SPIDR: variants seen among roughly 807,000 people sequenced by gnomAD.
SPIDR encodes scaffold protein involved in DNA repair, also known as DNA repair-scaffolding protein.
SPIDR carries 93 observed loss-of-function variants against 104.6 expected under a neutral mutation model. The ratio of observed to expected loss-of-function variants is 0.89; its 90% CI spans 0.75 to 1.06. SPIDR has a LOEUF of 1.06. Ranked by LOEUF, SPIDR falls within the 50% of genes least tolerant of loss-of-function variation. The probability of loss-of-function intolerance (pLI) is 0.00; values close to 1 mark genes in which losing one functional copy is unlikely to be tolerated. For synonymous variants in SPIDR, 431 were observed against 416.9 expected, an observed-to-expected ratio of 1.03 and a Z score of -0.41; for missense variants, 1,154 against 1,111.2, an observed-to-expected ratio of 1.04 and a Z score of -0.55.
intron 8 of SPIDR, among the ~76,000 whole-genome samples, chr8:47,505,658 C>T (rs907067892): frequency 5.9e-5 from 9 of 151,370 alleles, no homozygotes; most frequent in African/African-American, 1.5e-4. Flanking sequence ...CTCCCCAGTG[C>T]GATACCTCAG....
At chr8:47,700,335 C>T (rs1006712476) in intron 11 of SPIDR, 68 bp from the exon 12 acceptor site, 26 of 1,501,568 alleles carry the variant, frequency 1.7e-5, no homozygotes, top group Non-Finnish European at 2.4e-5. Flanking sequence ...AGCATTCTAC[C>T]AGCTCACTGG....
intron 8 of SPIDR, among the ~76,000 whole-genome samples, chr8:47,466,052 TA>T (rs1464496030): frequency 1.3e-5 from 2 of 152,086 alleles, no homozygotes; most frequent in East Asian, 3.9e-4. Flanking sequence ...CAAAGAGACT[TA>T]AACTCCCACA....
At chr8:47,457,303 C>G (rs1465548714) in intron 8 of SPIDR, among the ~76,000 whole-genome samples, 2 of 152,116 alleles carry the variant, frequency 1.3e-5, no homozygotes, top group Non-Finnish European at 2.9e-5. Context: ...GCCATTCTTG[C>G]AGGAAGTAAG....
At chr8:47,597,047 G>A (rs1010528900) in intron 9 of SPIDR, among the ~76,000 whole-genome samples, 2 of 152,094 alleles carry the variant, frequency 1.3e-5, no homozygotes, top group Admixed American at 1.3e-4. Flanking sequence ...TGAAGTACCT[G>A]TCTAAGGATG....
intron 7 of SPIDR, among the ~76,000 whole-genome samples, chr8:47,429,783 T>C (rs2067020452): frequency 6.6e-6 from 1 of 151,282 alleles, no homozygotes; most frequent in Non-Finnish European, 1.5e-5. Flanking sequence ...TTTTTTCTGG[T>C]CTGTACTTTT....
intron 5 of SPIDR, among the ~76,000 whole-genome samples, chr8:47,345,421 G>T (rs2051736777): frequency 6.6e-6 from 1 of 152,108 alleles, no homozygotes; most frequent in Non-Finnish European, 1.5e-5. Context: ...TGTTCTTTTG[G>T]CTTAGGATTG....
chr8:47,459,718 A>G (rs960493147), intron 8 of SPIDR, among the ~76,000 whole-genome samples: 1 of 151,540 alleles, frequency 6.6e-6, no homozygotes, highest in Admixed American at 6.6e-5. Flanking sequence ...GTGTTTCTCT[A>G]GTTCCTTAGA....
chr8:47,572,866 A>G (rs1050545227), intron 8 of SPIDR, among the ~76,000 whole-genome samples: 1 of 152,072 alleles, frequency 6.6e-6, no homozygotes, highest in Admixed American at 6.6e-5. Flanking sequence ...CTCATGGACC[A>G]GGGGCAGTGC....
chr8:47,592,652 C>T (rs890046461), intron 8 of SPIDR: 55 of 973,126 alleles, frequency 5.7e-5, no homozygotes, highest in Middle Eastern at 2.2e-4. Context: ...TCTCCGGCTC[C>T]GCTTGCCTCA....
At chr8:47,727,053 T>G (rs2084350436) in intron 16 of SPIDR, 147 bp from the exon 17 acceptor site, 1 of 604,866 alleles carries the variant, frequency 1.7e-6, no homozygotes, top group African/African-American at 1.9e-5. Flanking sequence ...AAGTGGAAAT[T>G]ATAAAAATCT....
chr8:47,494,688 G>A (rs920768725), intron 8 of SPIDR, among the ~76,000 whole-genome samples: 1 of 152,018 alleles, frequency 6.6e-6, no homozygotes, highest in Admixed American at 6.6e-5. Flanking sequence ...AGTGTTTCTA[G>A]TAAGTGGCAT....
chr8:47,512,116 C>T, intron 8 of SPIDR: 2 of 490,430 alleles, frequency 4.1e-6, no homozygotes, highest in Non-Finnish European at 7.4e-6. Flanking sequence ...CACGAACTCT[C>T]TCAGCGTCTT....
At chr8:47,390,244 A>G (rs2060420753) in intron 5 of SPIDR, among the ~76,000 whole-genome samples, 1 of 152,180 alleles carries the variant, frequency 6.6e-6, no homozygotes, top group Non-Finnish European at 1.5e-5. Context: ...GGACTGTCCA[A>G]GAATCCACTG....
intron 8 of SPIDR, among the ~76,000 whole-genome samples, chr8:47,523,943 A>G (rs1305286342): frequency 6.6e-6 from 1 of 152,136 alleles, no homozygotes; most frequent in Non-Finnish European, 1.5e-5. Context: ...AGTTTTGTCC[A>G]CACACCTATG....
At chr8:47,601,462 G>A (rs989156530) in intron 10 of SPIDR, among the ~76,000 whole-genome samples, 2 of 152,270 alleles carry the variant, frequency 1.3e-5, no homozygotes, top group East Asian at 1.9e-4. Context: ...TTGGGAGGCC[G>A]AGGCGGGCGG....
At position 47,396,618 on chromosome 8, in the gene SPIDR, GC is replaced by G. The variant is rs2061278488; in HGVS notation, c.769del (p.Leu257PhefsTer2). 2 of 1,611,486 alleles carry G rather than the reference GC, an allele frequency of 1.2e-6. No homozygotes were observed. Among genetic ancestry groups the G allele is most frequent in the Non-Finnish European group, 1.7e-6 (2 of 1,179,182 alleles). On this transcript the variant is annotated frameshift_variant, in exon 6 of 20. Coordinates refer to ENST00000297423, the MANE Select transcript of SPIDR (RefSeq NM_001080394.4). LOFTEE classifies it high-confidence loss of function. ...RTPENSAKKKLLRGGLAERLN... is the reference protein window; with the variant it reads ...RTPENSAKKKXLRGGLAERLN... ...CTCCAGAAAATTCAGCAAAGAAGAA[GC>G]TTTTAAGGTTAAATTATACCCTTTT...
At chr8:47,654,072 G>C in intron 10 of SPIDR, 1 of 1,289,774 alleles carries the variant, frequency 7.8e-7, no homozygotes, top group African/African-American at 1.5e-5. Context: ...GCAGCATCTT[G>C]ATCTTCTTAG....
At chr8:47,729,525 A>C in intron 19 of SPIDR, 60 bp downstream of exon 19, 10 of 1,541,810 alleles carry the variant, frequency 6.5e-6, no homozygotes, top group African/African-American at 1.4e-5. Context: ...TGAGCAACTC[A>C]TCCCCAGAGG....
intron 8 of SPIDR, among the ~76,000 whole-genome samples, chr8:47,553,049 G>A (rs987889162): frequency 6.6e-6 from 1 of 152,116 alleles, no homozygotes; most frequent in African/African-American, 2.4e-5. Flanking sequence ...ATGAAATTCT[G>A]GGTTGAAAAT....
Sources: gnomAD v4.1 joint callset for allele counts (sites outside exome capture counted in the v4.1 genomes callset) on GRCh38, gnomAD v4.1.1 for gene constraint, MANE v1.5 for transcripts, NCBI Gene and HGNC (gene_info 2026-07-23, HGNC 2026-07-21) for gene names.